Variants in RCOR2 observed in about 807,000 individuals in gnomAD.
RCOR2 encodes REST corepressor 2.
In RCOR2, 19 loss-of-function variants were observed where a neutral mutation model predicts 58.9. That is an observed-to-expected ratio of 0.32 (90% CI 0.23 to 0.47). The LOEUF is 0.47. RCOR2 is among the 20% of genes least tolerant of loss of function. The probability of loss-of-function intolerance (pLI) is 1.00; values close to 1 mark genes in which losing one functional copy is unlikely to be tolerated. For missense variants in RCOR2, 590 were observed against 707.9 expected (o/e 0.83, Z 1.89); for synonymous variants, 286 against 278.7 (o/e 1.03, Z -0.26).
chr11:63,925,756 G>A, the RCOR2 span, among the ~76,000 whole-genome samples: 2 of 150,180 alleles, frequency 1.3e-5, no homozygotes, highest in Non-Finnish European at 3.0e-5. Flanking sequence ...AGCCATGAGT[G>A]TGCCACTGCA....
intron 8 of RCOR2, among the ~76,000 whole-genome samples, chr11:63,913,238 G>A (rs1941806325): frequency 7.2e-6 from 1 of 137,978 alleles, no homozygotes; most frequent in South Asian, 2.2e-4. Context: ...CCAGGTTGGA[G>A]TGCAATGGCG....
chr11:63,918,052 T>A (rs144434060), upstream of RCOR2, among the ~76,000 whole-genome samples: 780 of 152,002 alleles, frequency 5.1e-3, 4 homozygotes, highest in Non-Finnish European at 8.4e-3. Context: ...GCCTGCGAGC[T>A]GCGCCCGTGC....
In RCOR2 at chr11:63,916,639, T is replaced by C. The variant is rs1763202049; in HGVS notation, c.-183A>G. 9 of 1,032,948 alleles carry C rather than the reference T, an allele frequency of 8.7e-6. No homozygotes were observed. In the East Asian group the frequency reaches 1.9e-4, roughly 22 times the overall value. The allele number at this position is 1,032,948 out of a possible 1,614,324, so 64.0% of individuals were successfully genotyped here. ...AGCCCACCTGGTAGCCCCAGCGCTC[T>C]CCACGACCCCCACGAGCCAGGGCGT... On this transcript the variant is annotated 5_prime_UTR_variant, in exon 1 of 12. Coordinates refer to ENST00000301459, the MANE Select transcript of RCOR2 (RefSeq NM_173587.4).
upstream of RCOR2, among the ~76,000 whole-genome samples, chr11:63,920,849 T>C (rs1414898071): frequency 6.6e-6 from 1 of 151,912 alleles, no homozygotes; most frequent in East Asian, 1.9e-4. Flanking sequence ...TTCTGGGCCC[T>C]GTCAGTGAAC....
chr11:63,912,079 AG>A lies in RCOR2; in HGVS notation c.1357del (p.Leu453Ter). The part of the protein sequence containing the change: ...PTSLSQPPPL[L>X]RPPLPTAPTL... The stretch of plus-strand genomic sequence containing the variant: ...GGGAGCCGTGGGCAAAGGTGGCCTC[AG>A]CAGCGGGGGTGGCTGGGACAGCGAG... On this transcript the variant is annotated frameshift_variant, in exon 12 of 12. Coordinates refer to ENST00000301459, the MANE Select transcript of RCOR2 (RefSeq NM_173587.4). LOFTEE classifies it high-confidence loss of function. The A allele has an allele frequency of 7.6e-7, 1 of 1,316,916 alleles. No homozygotes were observed. The highest frequency in any genetic ancestry group is 3.8e-5 in the East Asian group (1 of 26,038). 81.6% of individuals were successfully genotyped at this position (1,316,916 alleles called of 1,614,324 possible). A position where few individuals can be genotyped will look rare whatever the true frequency, so the allele number is the denominator to read the frequency against.
At chr11:63,917,443 C>G (rs1385709727), upstream of RCOR2, among the ~76,000 whole-genome samples, 1 of 152,088 alleles carries the variant, frequency 6.6e-6, no homozygotes, top group African/African-American at 2.4e-5. Flanking sequence ...CACCCACGCG[C>G]ACACCAACAC....
At chr11:63,918,065 G>A (rs1465561272), upstream of RCOR2, among the ~76,000 whole-genome samples, 1 of 151,970 alleles carries the variant, frequency 6.6e-6, no homozygotes, top group African/African-American at 2.4e-5. Context: ...GCCCGTGCCC[G>A]TCCCCGCCGC....
upstream of RCOR2, among the ~76,000 whole-genome samples, chr11:63,918,653 G>A (rs1026531112): frequency 8.5e-5 from 13 of 152,170 alleles, no homozygotes; most frequent in South Asian, 2.1e-4. Context: ...CTAAGTGGCA[G>A]GGCGCCATCC....
chr11:63,918,195 C>G (rs536558028), upstream of RCOR2, among the ~76,000 whole-genome samples: 212 of 151,030 alleles, frequency 1.4e-3, no homozygotes, highest in South Asian at 2.1e-3. Flanking sequence ...CCAGACTGAG[C>G]CGAGCCCGCA....
At chr11:63,922,629 AGT>A in the RCOR2 span, among the ~76,000 whole-genome samples, 1 of 152,224 alleles carries the variant, frequency 6.6e-6, no homozygotes, top group Non-Finnish European at 1.5e-5. Context: ...TGGGATTACA[AGT>A]GTGAGCCACT....
chr11:63,912,841 T>TAG, intron 9 of RCOR2, 29 bp downstream of exon 9: 1 of 1,611,698 alleles, frequency 6.2e-7, no homozygotes, highest in Non-Finnish European at 8.5e-7. Flanking sequence ...AAACCCCCCT[T>TAG]TGCACCCTAA....
the RCOR2 span, among the ~76,000 whole-genome samples, chr11:63,926,618 T>TG: frequency 2.6e-5 from 4 of 151,222 alleles, no homozygotes; most frequent in Non-Finnish European, 5.9e-5. Context: ...CCTGAGTAGC[T>TG]GGGATTACAG....
chr11:63,918,296 G>GC (rs1941889798), upstream of RCOR2, among the ~76,000 whole-genome samples: 1 of 152,320 alleles, frequency 6.6e-6, no homozygotes, highest in East Asian at 1.9e-4. Flanking sequence ...AGGGATCCCT[G>GC]CCCCCACCCG....
At chr11:63,915,364 G>T in intron 2 of RCOR2, 106 bp from the exon 3 acceptor site, 1 of 1,181,494 alleles carries the variant, frequency 8.5e-7, no homozygotes, top group Non-Finnish European at 1.2e-6. Context: ...GGAGGTTGAG[G>T]CCCAGAAGGG....
At chr11:63,916,132 C>T (rs1941852529) in intron 1 of RCOR2, among the ~76,000 whole-genome samples, 198 bp downstream of exon 1, 1 of 152,228 alleles carries the variant, frequency 6.6e-6, no homozygotes, top group Non-Finnish European at 1.5e-5. Flanking sequence ...AGGACGCCTC[C>T]ACAGCAGCTA....
intron 1 of RCOR2, 61 bp from the exon 2 acceptor site, chr11:63,915,672 G>T: frequency 7.9e-7 from 1 of 1,273,602 alleles, no homozygotes. Flanking sequence ...GGAGGATGTG[G>T]CGGGCGGGGG....
In RCOR2 at chr11:63,915,701, T is replaced by C. The variant is rs1941847307; in HGVS notation, c.128-90A>G. ...GCGGGGGAGGTGGCCGGCCTGGAGT[T>C]CTCCTTCCTGACCACCCAGGGCCCC... On this transcript the variant is annotated intron_variant, in intron 1 of 11. Transcript: ENST00000301459. 3 of 1,215,380 alleles carry C rather than the reference T, an allele frequency of 2.5e-6. No individual in the cohort carries two copies. The Admixed American group carries it at 6.0e-5, about 24-fold the overall frequency. 75.3% of individuals were successfully genotyped at this position (1,215,380 alleles called of 1,614,324 possible).
At chr11:63,926,545 G>A in the RCOR2 span, among the ~76,000 whole-genome samples, 8 of 146,932 alleles carry the variant, frequency 5.4e-5, no homozygotes, top group African/African-American at 1.5e-4. Context: ...GTTCAGCAGT[G>A]ACGTGATCTC....
chr11:63,913,184 A>ATTTTTTTTT (rs71039683), intron 8 of RCOR2, among the ~76,000 whole-genome samples: 5 of 77,886 alleles, frequency 6.4e-5, no homozygotes, highest in Non-Finnish European at 9.2e-5. Flanking sequence ...ATATATATAT[A>ATTTTTTTTT]TTTTTTTTTT....
Sources: allele counts gnomAD v4.1 joint callset (sites outside exome capture counted in the v4.1 genomes callset), GRCh38; gene constraint gnomAD v4.1.1; transcripts MANE v1.5; gene names NCBI Gene and HGNC (gene_info 2026-07-23, HGNC 2026-07-21).